Variants in ABCG1 observed in about 807,000 individuals in gnomAD.
ABCG1 encodes the protein ATP-binding cassette sub-family G member 1.
A neutral mutation model predicts 69.2 loss-of-function variants in ABCG1; 29 were observed. That is an observed-to-expected ratio of 0.42 (90% CI 0.31 to 0.57). ABCG1 has a LOEUF of 0.57. Among genes scored for constraint, ABCG1 ranks in the 20% least tolerant of loss-of-function variants. ABCG1 has a pLI of 0.15. For synonymous variants in ABCG1, 370 were observed against 374.8 expected (o/e 0.99, Z 0.15); for missense variants, 718 against 898.1 (o/e 0.80, Z 2.56).
intron 13 of ABCG1, among the ~76,000 whole-genome samples, chr21:42,293,316 A>C (rs1569243023): frequency 7.8e-6 from 1 of 128,264 alleles, no homozygotes; most frequent in African/African-American, 3.1e-5. Flanking sequence ...CACACCACAC[A>C]GTACACACTA....
rs573102443 is a variant in ABCG1 at position 42,205,889 on chromosome 21, T to C, written c.48+4166T>C. Among the ~76,000 whole-genome samples the C allele has an allele frequency of 2.0e-5, 3 of 152,362 alleles. No individual in the cohort carries two copies. The South Asian group carries it at 6.2e-4, about 32-fold the overall frequency. On this transcript the variant is annotated intron_variant, in intron 2 of 15. Coordinates refer to the ABCG1 transcript ENST00000398457. ...CAAATTTTGATATTTTTATTTTCATTTTTCATGTATTTTTATTTTCATTTT... is the reference window on the plus strand; with the variant it reads ...CAAATTTTGATATTTTTATTTTCATCTTTCATGTATTTTTATTTTCATTTT...
rs975684572 is a variant in ABCG1, at chr21:42,242,782, G to T, written c.286+16868G>T. Among the ~76,000 whole-genome samples, 23 of 152,246 alleles carry T rather than the reference G, an allele frequency of 1.5e-4. No individual in the cohort carries two copies. The Middle Eastern group carries it at 0.02, about 135-fold the overall frequency. On this transcript the variant is annotated intron_variant, in intron 2 of 14. Coordinates refer to ENST00000398449, the MANE Select transcript of ABCG1 (RefSeq NM_016818.3). ...CATATCGTTGTTTGTTGTGTTTTTT[G>T]GTTTTTGTGACTTCAGAGGCTGAAG...
rs554423173 is a variant in ABCG1 at position 42,256,646 on chromosome 21, T to A, written c.287-14424T>A. 1.5e-5 allele frequency: 22 copies of A among 1,475,224 alleles called. No homozygotes were observed. In the East Asian group the frequency reaches 4.5e-4, roughly 30 times the overall value. The allele number at this position is 1,475,224 out of a possible 1,614,324, so 91.4% of individuals were successfully genotyped here. A position where few individuals can be genotyped will look rare whatever the true frequency, so the allele number is the denominator to read the frequency against. ...GCTCTCAGAGTGCTGGGGACAGGGT[T>A]CCCACCAGGCAGCCCTTTCTGCTCC... is the stretch of plus-strand genomic sequence containing the variant. On this transcript the variant is annotated intron_variant, in intron 2 of 14. Transcript: ENST00000398449.
chr21:42,264,870 G>A (rs1398909502), intron 2 of ABCG1, among the ~76,000 whole-genome samples: 1 of 152,124 alleles, frequency 6.6e-6, no homozygotes, highest in Non-Finnish European at 1.5e-5. Flanking sequence ...ACGTGCATGG[G>A]GAGGGTTGGG....
intron 13 of ABCG1, among the ~76,000 whole-genome samples, chr21:42,293,537 A>AC (rs2069133640): frequency 7.2e-6 from 1 of 138,074 alleles, no homozygotes. Context: ...ACTACACACC[A>AC]CGCACTACAC....
chr21:42,218,530 C>A (rs1424645082), upstream of ABCG1, among the ~76,000 whole-genome samples: 1 of 152,206 alleles, frequency 6.6e-6, no homozygotes, highest in Non-Finnish European at 1.5e-5. Flanking sequence ...TCACTCAGCA[C>A]CCCTTTGTAA....
intron 2 of ABCG1, among the ~76,000 whole-genome samples, chr21:42,262,566 G>A (rs2068431738): frequency 2.0e-5 from 3 of 152,190 alleles, no homozygotes. Flanking sequence ...CAGACTAAAT[G>A]CACAATTCTG....
intron 2 of ABCG1, among the ~76,000 whole-genome samples, chr21:42,231,591 G>C (rs911387461): frequency 1.3e-5 from 2 of 152,234 alleles, no homozygotes; most frequent in African/African-American, 2.4e-5. Flanking sequence ...GTGCATGGAA[G>C]GCATCATGAA....
chr21:42,210,155 C>T (rs1041066732), intron 2 of ABCG1, among the ~76,000 whole-genome samples: 5 of 152,202 alleles, frequency 3.3e-5, no homozygotes, highest in African/African-American at 1.2e-4. Flanking sequence ...AAGAAACCCT[C>T]TCCCTCTTAG....
upstream of ABCG1, among the ~76,000 whole-genome samples, chr21:42,217,965 G>T (rs571406768): frequency 6.6e-6 from 1 of 152,086 alleles, no homozygotes; most frequent in Non-Finnish European, 1.5e-5. Flanking sequence ...CACTGCGCCC[G>T]GCTGGATGAC....
At chr21:42,281,186 C>T (rs2068801398) in intron 5 of ABCG1, among the ~76,000 whole-genome samples, 1 of 152,246 alleles carries the variant, frequency 6.6e-6, no homozygotes, top group Admixed American at 6.5e-5. Context: ...TGAGTTCTTC[C>T]TCCCTTCAGA....
chr21:42,259,878 A>G (rs2123684591), intron 2 of ABCG1: 1 of 1,442,446 alleles, frequency 6.9e-7, no homozygotes, highest in South Asian at 1.5e-5. Flanking sequence ...ATGGCAAAGG[A>G]GCACAGCGGG....
rs1485868688 is a variant in ABCG1, at chr21:42,219,586, C to T, written c.42+282C>T. On this transcript the variant is annotated intron_variant, in intron 1 of 14. Coordinates refer to ENST00000398449, the MANE Select transcript of ABCG1 (RefSeq NM_016818.3). The surrounding 1 kb of genome is among the most constrained non-coding windows in gnomAD (Gnocchi z 5.3). ...GCAGCGAGTTGCCCTACAAGTTGGA[C>T]CGATGGCCTTGACCTGATGGCTTCT... is the stretch of plus-strand genomic sequence containing the variant. Among the ~76,000 whole-genome samples, 2 of 152,094 alleles carry T rather than the reference C, an allele frequency of 1.3e-5. No homozygotes were observed. The highest frequency in any genetic ancestry group is 6.5e-5 in the Admixed American group (1 of 15,286).
Position 42,282,326 on chromosome 21 carries a change from C to T in ABCG1, c.641C>T (p.Thr214Ile). 1 of 1,613,476 alleles carries T rather than the reference C, an allele frequency of 6.2e-7. No homozygotes were observed. Among genetic ancestry groups the T allele is most frequent in the Non-Finnish European group, 8.5e-7 (1 of 1,180,018 alleles). ...LGLLSCANTRTGSLSGGQRKR... is the reference protein window; with the variant it reads ...LGLLSCANTRIGSLSGGQRKR... ...TTGCTGTCTTGCGCCAACACGCGGACCGGGAGCCTGTCAGGTGGTCAGCGC... is the reference window on the plus strand; with the variant it reads ...TTGCTGTCTTGCGCCAACACGCGGATCGGGAGCCTGTCAGGTGGTCAGCGC... The change falls in exon 6 of 15, where the codon ACC becomes ATC. Residue 214 changes from threonine to isoleucine, a missense_variant. Around this residue, in one of 2 missense-constraint regions of ABCG1, gnomAD observed 514 missense variants for 574.3 expected, o/e 0.90. Transcript: ENST00000398449.
In ABCG1 at chr21:42,253,758, G is replaced by C. The variant is rs535783102; in HGVS notation, c.287-17312G>C. 7.2e-5 allele frequency among the ~76,000 whole-genome samples: 11 copies of C among 152,272 alleles called. No homozygotes were observed. The South Asian group carries it at 2.3e-3, about 32-fold the overall frequency. On this transcript the variant is annotated intron_variant, in intron 2 of 14. Coordinates refer to ENST00000398449, the MANE Select transcript of ABCG1 (RefSeq NM_016818.3). ...CCTCTGTAGGACTGGGGGTGAGATC[G>C]ATGGACCTGCCAGCTGTTATTGTTG... is the stretch of plus-strand genomic sequence containing the variant.
chr21:42,243,515 C>T (rs549967076), intron 2 of ABCG1, among the ~76,000 whole-genome samples: 31 of 148,908 alleles, frequency 2.1e-4, no homozygotes, highest in Admixed American at 1.4e-3. Flanking sequence ...ATCACCTGGG[C>T]GGGATAAAGA....
chr21:42,237,696 G>A (rs1408641652), intron 2 of ABCG1, among the ~76,000 whole-genome samples: 1 of 152,252 alleles, frequency 6.6e-6, no homozygotes, highest in Non-Finnish European at 1.5e-5. Flanking sequence ...GAGAGGAGAA[G>A]TAGAGAGGAA....
intron 2 of ABCG1, among the ~76,000 whole-genome samples, chr21:42,236,780 G>T (rs910018018): frequency 3.3e-5 from 5 of 152,216 alleles, no homozygotes; most frequent in African/African-American, 9.6e-5. Flanking sequence ...CAAGAAGGAA[G>T]GGTACATCTA....
chr21:42,256,069 C>T, intron 2 of ABCG1: 1 of 1,086,496 alleles, frequency 9.2e-7, no homozygotes, highest in Non-Finnish European at 1.2e-6. Context: ...TGACTTGGAT[C>T]CAGGTGTGCA....
Sources: gnomAD v4.1 joint callset for allele counts (sites outside exome capture counted in the v4.1 genomes callset) on GRCh38, gnomAD v4.1.1 for gene constraint, gnomAD v4.1.1 regional missense constraint, Gnocchi (gnomAD v3.1) non-coding constraint, MANE v1.5 for transcripts, NCBI Gene and HGNC (gene_info 2026-07-23, HGNC 2026-07-21) for gene names.